VPS37D: variants seen among roughly 807,000 people sequenced by gnomAD.
VPS37D encodes vacuolar protein sorting-associated protein 37D.
In VPS37D, 5 loss-of-function variants were observed where a neutral mutation model predicts 22.0. The ratio of observed to expected loss-of-function variants is 0.23; its 90% CI spans 0.12 to 0.48. The LOEUF (loss-of-function observed/expected upper bound fraction) is 0.48. VPS37D is among the 20% of genes least tolerant of loss of function. The pLI is 0.99. For synonymous variants in VPS37D, 174 were observed against 159.3 expected, an observed-to-expected ratio of 1.09 and a Z score of -0.69; for missense variants, 384 against 345.8, an observed-to-expected ratio of 1.11 and a Z score of -0.88.
At chr7:73,668,153 T>A in intron 1 of VPS37D, 57 bp downstream of exon 1, 1 of 1,022,796 alleles carries the variant, frequency 9.8e-7, no homozygotes, top group Non-Finnish European at 1.2e-6. Flanking sequence ...CTGCGGGACC[T>A]GCCGCTCGAG....
chr7:73,669,374 G>A (rs1279330448), intron 1 of VPS37D, 45 bp from the exon 2 acceptor site: 1 of 1,510,792 alleles, frequency 6.6e-7, no homozygotes, highest in Non-Finnish European at 8.9e-7. Flanking sequence ...AGGGTGGACA[G>A]GGCAGATCCC....
upstream of VPS37D, among the ~76,000 whole-genome samples, chr7:73,666,907 G>A (rs1230270103): frequency 6.6e-6 from 1 of 151,502 alleles, no homozygotes; most frequent in Non-Finnish European, 1.5e-5. Context: ...GACTACAGAC[G>A]CATGCCACCA....
intron 3 of VPS37D, among the ~76,000 whole-genome samples, chr7:73,670,412 G>C (rs57988895): frequency 0.038 from 5,727 of 152,274 alleles, 109 homozygotes; most frequent in African/African-American, 0.049. Context: ...AGCTGAAGGT[G>C]GTGGGCTCCC....
At chr7:73,666,137 T>C (rs922300496), upstream of VPS37D, among the ~76,000 whole-genome samples, 34 of 152,150 alleles carry the variant, frequency 2.2e-4, no homozygotes, top group Admixed American at 2.1e-3. Context: ...GCTTAACCTA[T>C]TTGTAAAGAC....
chr7:73,671,175 G>T lies in VPS37D; in HGVS notation c.555G>T (p.Ser185=). The change falls in exon 4 of 4, where the codon TCG becomes TCT. Residue 185 remains serine, a synonymous_variant. Transcript: ENST00000324941. ...GTTCTGCCCAGCCGGCCCCCACCTCGGCTGCTGATCCCCCCAAATCCTTCC... is the reference window on the plus strand; with the variant it reads ...GTTCTGCCCAGCCGGCCCCCACCTCTGCTGCTGATCCCCCCAAATCCTTCC... ...RERSAQPAPT[S]AADPPKSFPA... The T allele has an allele frequency of 6.2e-7, 1 of 1,604,032 alleles. No homozygotes were observed. The highest frequency in any genetic ancestry group is 8.5e-7 in the Non-Finnish European group (1 of 1,177,790).
At chr7:73,670,713 G>A (rs1210775880) in intron 3 of VPS37D, among the ~76,000 whole-genome samples, 2 of 152,134 alleles carry the variant, frequency 1.3e-5, no homozygotes, top group Admixed American at 1.3e-4. Context: ...GGGAGGCTGA[G>A]GCAGGAGAAT....
intron 3 of VPS37D, 72 bp from the exon 4 acceptor site, chr7:73,670,942 G>A: frequency 6.4e-7 from 1 of 1,554,304 alleles, no homozygotes; most frequent in Non-Finnish European, 8.7e-7. Context: ...GCCTCAGGGT[G>A]GGAAGGAGTG....
Position 73,671,006 on chromosome 7 carries a change from CG to C in VPS37D, c.394-6del. 3.7e-6 allele frequency: 6 copies of C among 1,610,766 alleles called. No individual in the cohort carries two copies. The highest frequency in any genetic ancestry group is 5.1e-6 in the Non-Finnish European group (6 of 1,178,548). ...CTCTCCCAAGCCTTCCCTTCCCTCC[CG>C]GCCCAGGAGCAGATGGAGCAGCTGC... On this transcript the variant is annotated splice_polypyrimidine_tract_variant and splice_region_variant and intron_variant, in intron 3 of 3. Coordinates refer to ENST00000324941, the MANE Select transcript of VPS37D (RefSeq NM_001077621.2).
At chr7:73,670,202 T>C in intron 3 of VPS37D, 100 bp downstream of exon 3, 1 of 1,525,804 alleles carries the variant, frequency 6.6e-7, no homozygotes, top group South Asian at 1.2e-5. Context: ...GCCCCTCCTC[T>C]GGGAAGTCCA....
upstream of VPS37D, among the ~76,000 whole-genome samples, chr7:73,666,614 G>A (rs1797379168): frequency 6.6e-6 from 1 of 151,398 alleles, no homozygotes; most frequent in South Asian, 2.1e-4. Context: ...GGTCAGGTTG[G>A]TCTCAAACTT....
chr7:73,667,871 C>T lies in VPS37D; in HGVS notation c.-88C>T. On this transcript the variant is annotated 5_prime_UTR_variant, in exon 1 of 4. Transcript: ENST00000324941. ...GCCGGAGCCGGAGCGGATCCTGGAG[C>T]CGGAGCGGAGCGGAGCGGAGCGGAG... 5.4e-6 allele frequency: 2 copies of T among 372,836 alleles called. No homozygotes were observed. The highest frequency in any genetic ancestry group is 1.0e-4 in the South Asian group (1 of 9,808). 23.1% of individuals were successfully genotyped at this position (372,836 alleles called of 1,614,324 possible). A position where few individuals can be genotyped will look rare whatever the true frequency, so the allele number is the denominator to read the frequency against.
At chr7:73,666,935 A>G (rs1450960619), upstream of VPS37D, among the ~76,000 whole-genome samples, 1 of 151,772 alleles carries the variant, frequency 6.6e-6, no homozygotes, top group Non-Finnish European at 1.5e-5. Context: ...ATACTTTTTA[A>G]AAGCATTTAA....
At chr7:73,665,627 T>C (rs1218124553), upstream of VPS37D, among the ~76,000 whole-genome samples, 1 of 152,228 alleles carries the variant, frequency 6.6e-6, no homozygotes, top group Admixed American at 6.5e-5. Context: ...ATTGGCACCA[T>C]GCCTGCCCAC....
chr7:73,667,925 G>A lies in VPS37D; in HGVS notation c.-34G>A. On this transcript the variant is annotated 5_prime_UTR_variant, in exon 1 of 4. Transcript: ENST00000324941. ...GGGCGGAGCGGGCCGAGCGGGCCGA[G>A]CCAGCAGCCGAGCTGGGGGCGCGGG... 1.0e-5 allele frequency: 9 copies of A among 901,380 alleles called. No individual in the cohort carries two copies. The highest frequency in any genetic ancestry group is 1.2e-5 in the Non-Finnish European group (9 of 745,632). 55.8% of individuals were successfully genotyped at this position (901,380 alleles called of 1,614,324 possible).
Position 73,671,548 on chromosome 7 carries a change from A to T in VPS37D, c.*172A>T. On this transcript the variant is annotated 3_prime_UTR_variant, in exon 4 of 4. Coordinates refer to ENST00000324941, the MANE Select transcript of VPS37D (RefSeq NM_001077621.2). ...GAGGGTCCCCTGGAAGAGGCCCGAG[A>T]GGGGGCTGGGGGTGGGTGGGCAGGG... 33 of 58,588 alleles carry T rather than the reference A, an allele frequency of 5.6e-4. No homozygotes were observed. Among genetic ancestry groups the T allele is most frequent in the East Asian group, 1.9e-3 (4 of 2,074 alleles). The allele number at this position is 58,588 out of a possible 1,614,324, so 3.6% of individuals were successfully genotyped here.
intron 2 of VPS37D, 114 bp downstream of exon 2, chr7:73,669,704 C>T: frequency 2.8e-6 from 3 of 1,066,316 alleles, no homozygotes; most frequent in Non-Finnish European, 3.7e-6. Context: ...GGACCTGCTC[C>T]TGGCTTGCTG....
intron 1 of VPS37D, among the ~76,000 whole-genome samples, chr7:73,669,152 G>A (rs913575181): frequency 1.7e-4 from 25 of 151,152 alleles, no homozygotes; most frequent in African/African-American, 5.3e-4. Context: ...CCTCACTTAA[G>A]TCTCTCAACA....
At position 73,670,052 on chromosome 7, in the gene VPS37D, G is replaced by A. The variant is rs1005073232; in HGVS notation, c.343G>A (p.Ala115Thr). Reference sequence around the variant, plus strand: ...CATGCATCGCTGGAGTCCCCACTGCGCGCTGGGCTGGCTGCAGGCTGAGCT... The same window carrying A: ...CATGCATCGCTGGAGTCCCCACTGCACGCTGGGCTGGCTGCAGGCTGAGCT... ...ESMHRWSPHC[A>T]LGWLQAELEE... Residue 115 changes from alanine to threonine, a missense_variant, in exon 3 of 4, where the codon GCG (alanine) becomes ACG (threonine). Physicochemically the swap from Ala to Thr is moderately conservative, Grantham distance 58. Transcript: ENST00000324941. 1.5e-5 allele frequency: 24 copies of A among 1,551,590 alleles called. No homozygotes were observed. The highest frequency in any genetic ancestry group is 2.0e-5 in the Admixed American group (1 of 50,982).
chr7:73,669,946 C>T, intron 2 of VPS37D, 74 bp from the exon 3 acceptor site: 1 of 1,548,314 alleles, frequency 6.5e-7, no homozygotes, highest in South Asian at 1.2e-5. Flanking sequence ...AATATAGAAT[C>T]ACATGGGGTC....
Sources: allele counts gnomAD v4.1 joint callset (sites outside exome capture counted in the v4.1 genomes callset), GRCh38; gene constraint gnomAD v4.1.1; transcripts MANE v1.5; gene names NCBI Gene and HGNC (gene_info 2026-07-23, HGNC 2026-07-21).